Variants in PLPP1 observed in about 807,000 individuals in gnomAD.
PLPP1 encodes phospholipid phosphatase 1.
PLPP1 carries 24 observed loss-of-function variants against 31.2 expected under a neutral mutation model. The observed-to-expected ratio is 0.77, with a 90% CI of 0.56 to 1.08. The LOEUF (loss-of-function observed/expected upper bound fraction) is 1.08, where lower values mean the gene tolerates loss of function less well. Among genes scored for constraint, PLPP1 ranks in the 50% least tolerant of loss-of-function variants. The pLI, the probability that PLPP1 is intolerant of heterozygous loss-of-function variation, is 0.00. For missense variants in PLPP1, 319 were observed against 342.7 expected (o/e 0.93, Z 0.55); for synonymous variants, 146 against 126.3 (o/e 1.16, Z -1.05).
chr5:55,437,806 A>G (rs1373784154), intron 4 of PLPP1, among the ~76,000 whole-genome samples: 3 of 152,254 alleles, frequency 2.0e-5, no homozygotes, highest in Non-Finnish European at 4.4e-5. Context: ...CAAGGTTCGT[A>G]GGCTATGGGC....
chr5:55,428,160 TAG>T (rs1447182228), intron 4 of PLPP1, among the ~76,000 whole-genome samples: 3 of 152,230 alleles, frequency 2.0e-5, no homozygotes, highest in African/African-American at 7.2e-5. Flanking sequence ...TACCCAAGAA[TAG>T]AGGTTTCCCC....
intron 1 of PLPP1, among the ~76,000 whole-genome samples, chr5:55,521,775 T>C (rs1753673608): frequency 6.6e-6 from 1 of 152,202 alleles, no homozygotes. Context: ...CTATTTTTGG[T>C]ATCTCCAGTG....
At chr5:55,517,256 A>C (rs1753572290) in intron 1 of PLPP1, among the ~76,000 whole-genome samples, 1 of 152,104 alleles carries the variant, frequency 6.6e-6, no homozygotes, top group Non-Finnish European at 1.5e-5. Flanking sequence ...TGGTGCAATC[A>C]CAGCTCATTG....
chr5:55,473,668 G>C (rs1009822365), intron 2 of PLPP1, among the ~76,000 whole-genome samples: 11 of 152,008 alleles, frequency 7.2e-5, no homozygotes, highest in African/African-American at 2.7e-4. Flanking sequence ...GTGTGTGTCT[G>C]TGTGTTTGAA....
chr5:55,454,182 T>C (rs1452379325), intron 3 of PLPP1, among the ~76,000 whole-genome samples: 1 of 152,114 alleles, frequency 6.6e-6, no homozygotes, highest in Non-Finnish European at 1.5e-5. Flanking sequence ...AAGCAAAACA[T>C]TGCTTCTGAG....
intron 4 of PLPP1, among the ~76,000 whole-genome samples, chr5:55,432,574 A>C (rs1751384240): frequency 6.6e-6 from 1 of 152,182 alleles, no homozygotes; most frequent in Non-Finnish European, 1.5e-5. Flanking sequence ...AGGATGCAAC[A>C]TAAGAAACCC....
At chr5:55,503,273 A>G (rs747307148) in intron 1 of PLPP1, among the ~76,000 whole-genome samples, 1 of 152,334 alleles carries the variant, frequency 6.6e-6, no homozygotes, top group Middle Eastern at 3.4e-3. Context: ...TATGCTTATA[A>G]CATATCATGT....
In PLPP1 at chr5:55,429,462, G is replaced by A. The variant is rs916254287; in HGVS notation, c.550-3423C>T. On this transcript the variant is annotated intron_variant, in intron 4 of 5. Coordinates refer to ENST00000307259, the MANE Select transcript of PLPP1 (RefSeq NM_003711.4). ...GTTGGGGAGGCTCCCCCATGCTGGA[G>A]AAGGGTAAGTGACCCCCAACAGTCA... 7.0e-4 allele frequency among the ~76,000 whole-genome samples: 106 copies of A among 152,236 alleles called. 2 individuals are homozygous for A. The highest frequency in any genetic ancestry group is 3.4e-3 in the Middle Eastern group (1 of 294).
chr5:55,515,157 T>C (rs183861827), intron 1 of PLPP1, among the ~76,000 whole-genome samples: 20 of 152,358 alleles, frequency 1.3e-4, no homozygotes, highest in Admixed American at 4.6e-4. Context: ...CCGCTATACT[T>C]GGTGATAGTT....
At chr5:55,473,340 AGG>A (rs1752462480) in intron 2 of PLPP1, among the ~76,000 whole-genome samples, 1 of 152,192 alleles carries the variant, frequency 6.6e-6, no homozygotes, top group Admixed American at 6.5e-5. Flanking sequence ...TCAGGCACCT[AGG>A]ACATGCTGGG....
intron 3 of PLPP1, among the ~76,000 whole-genome samples, chr5:55,458,064 G>A (rs182705858): frequency 3.3e-5 from 5 of 152,148 alleles, no homozygotes; most frequent in Non-Finnish European, 4.4e-5. Flanking sequence ...GGCATTTGGT[G>A]GAAAAGTACA....
At chr5:55,457,278 C>G (rs188290407) in intron 3 of PLPP1, among the ~76,000 whole-genome samples, 1 of 151,900 alleles carries the variant, frequency 6.6e-6, no homozygotes, top group Non-Finnish European at 1.5e-5. Context: ...AACCCTTACA[C>G]AGGACTGTAA....
intron 1 of PLPP1, among the ~76,000 whole-genome samples, chr5:55,529,097 C>T (rs1740568613): frequency 6.6e-6 from 1 of 151,962 alleles, no homozygotes; most frequent in South Asian, 2.1e-4. Flanking sequence ...CCAACTAGAT[C>T]ACTTAGCACT....
At chr5:55,458,887 C>CCA (rs1752082619) in intron 3 of PLPP1, among the ~76,000 whole-genome samples, 1 of 21,110 alleles carries the variant, frequency 4.7e-5, no homozygotes, top group Admixed American at 4.2e-4. Flanking sequence ...ACCCTGTCTC[C>CCA]AAAAAAAAAA....
At chr5:55,512,963 T>C (rs1753471599) in intron 1 of PLPP1, among the ~76,000 whole-genome samples, 2 of 152,232 alleles carry the variant, frequency 1.3e-5, no homozygotes, top group Admixed American at 1.3e-4. Flanking sequence ...TGAAGTATAG[T>C]TTCTACAGAG....
intron 4 of PLPP1, among the ~76,000 whole-genome samples, chr5:55,435,893 A>G (rs778566672): frequency 6.6e-6 from 1 of 151,910 alleles, no homozygotes; most frequent in African/African-American, 2.4e-5. Context: ...GTGCGCCTGT[A>G]GTCCCAGCTA....
intron 3 of PLPP1, among the ~76,000 whole-genome samples, chr5:55,454,679 T>C (rs1447196689): frequency 6.6e-6 from 1 of 152,220 alleles, no homozygotes; most frequent in Non-Finnish European, 1.5e-5. Flanking sequence ...TCCTGTTAAA[T>C]ACAATAATAA....
At chr5:55,498,804 G>C (rs1753057668) in intron 1 of PLPP1, among the ~76,000 whole-genome samples, 1 of 151,950 alleles carries the variant, frequency 6.6e-6, no homozygotes, top group African/African-American at 2.4e-5. Context: ...TTTCCATTGG[G>C]AACACAAACT....
chr5:55,435,099 A>G (rs1464361747), intron 4 of PLPP1, among the ~76,000 whole-genome samples: 1 of 152,196 alleles, frequency 6.6e-6, no homozygotes, highest in African/African-American at 2.4e-5. Flanking sequence ...TGAATAGACA[A>G]TTCTCAAAAG....
Sources: allele counts gnomAD v4.1 joint callset (sites outside exome capture counted in the v4.1 genomes callset), GRCh38; gene constraint gnomAD v4.1.1; transcripts MANE v1.5; gene names NCBI Gene and HGNC (gene_info 2026-07-23, HGNC 2026-07-21).